The following ARHGAP26 variants were observed in gnomAD, a reference collection of about 807,000 sequenced individuals.
The protein encoded by ARHGAP26 is rho GTPase-activating protein 26.
ARHGAP26 carries 38 observed loss-of-function variants against 104.8 expected under a neutral mutation model. The ratio of observed to expected loss-of-function variants is 0.36; its 90% confidence interval spans 0.28 to 0.48. ARHGAP26 has a LOEUF of 0.48. Among genes scored for constraint, ARHGAP26 ranks in the 20% least tolerant of loss-of-function variants. ARHGAP26 has a pLI of 0.99. For missense variants in ARHGAP26, 704 were observed against 947.9 expected (o/e 0.74, Z 3.38); for synonymous variants, 341 against 340.0 (o/e 1.00, Z -0.03).
chr5:143,018,269 A>G (rs1407137163), intron 12 of ARHGAP26, among the ~76,000 whole-genome samples: 2 of 152,294 alleles, frequency 1.3e-5, no homozygotes, highest in East Asian at 3.9e-4. Flanking sequence ...AGCCAGTTTA[A>G]ATATGTTCTC....
chr5:143,001,611 T>A (rs1562237972), intron 11 of ARHGAP26, among the ~76,000 whole-genome samples: 1 of 152,266 alleles, frequency 6.6e-6, no homozygotes. Flanking sequence ...AATGTGCTGT[T>A]CTGGCTGGCC....
At chr5:142,831,215 C>T (rs118184223) in intron 1 of ARHGAP26, among the ~76,000 whole-genome samples, 2 of 152,264 alleles carry the variant, frequency 1.3e-5, no homozygotes, top group East Asian at 3.9e-4. Flanking sequence ...AGCCAGATCC[C>T]AATACTCTGT....
chr5:142,904,096 G>C (rs974211502), intron 8 of ARHGAP26, among the ~76,000 whole-genome samples: 5 of 152,004 alleles, frequency 3.3e-5, no homozygotes, highest in Admixed American at 3.3e-4. Flanking sequence ...TTTCAGCAAG[G>C]CCCAAACAAT....
chr5:143,021,504 A>G (rs1780327763), intron 12 of ARHGAP26, among the ~76,000 whole-genome samples: 1 of 152,152 alleles, frequency 6.6e-6, no homozygotes, highest in South Asian at 2.1e-4. Context: ...CGTATCTCAG[A>G]TCATTCTCTT....
chr5:142,910,461 G>A (rs577702153), intron 9 of ARHGAP26, among the ~76,000 whole-genome samples: 143 of 152,352 alleles, frequency 9.4e-4, no homozygotes, highest in Middle Eastern at 3.4e-3. Context: ...GACCGAGGCC[G>A]GATGTGGTGG....
In ARHGAP26 at chr5:143,224,088, T is replaced by G; in HGVS notation, c.*1642T>G. ...AAGAAAAGAAAAACTTGAATTGTGTTGAATTACTGTATCTTTTACTTTTTT... is the reference window on the plus strand; with the variant it reads ...AAGAAAAGAAAAACTTGAATTGTGTGGAATTACTGTATCTTTTACTTTTTT... On this transcript the variant is annotated 3_prime_UTR_variant, in exon 23 of 23. Transcript: ENST00000645722. 1 of 226,508 alleles carries G rather than the reference T, an allele frequency of 4.4e-6. No individual in the cohort carries two copies. The highest frequency in any genetic ancestry group is 2.3e-5 in the African/African-American group (1 of 43,916). 14.0% of individuals were successfully genotyped at this position (226,508 alleles called of 1,614,324 possible).
intron 18 of ARHGAP26, among the ~76,000 whole-genome samples, chr5:143,122,653 G>A (rs1325457436): frequency 6.6e-6 from 1 of 152,204 alleles, no homozygotes; most frequent in African/African-American, 2.4e-5. Context: ...AAGGGCTAAA[G>A]AAGAGAACAA....
chr5:143,021,644 T>C (rs1341629446), intron 12 of ARHGAP26, among the ~76,000 whole-genome samples: 1 of 152,214 alleles, frequency 6.6e-6, no homozygotes, highest in African/African-American at 2.4e-5. Flanking sequence ...CCATTTCCTC[T>C]TCTGTAAAAT....
intron 20 of ARHGAP26, among the ~76,000 whole-genome samples, chr5:143,166,861 C>T (rs1380982233): frequency 6.6e-6 from 1 of 152,204 alleles, no homozygotes; most frequent in Non-Finnish European, 1.5e-5. Flanking sequence ...GGCTCCTTGG[C>T]TTTCTGCCAT....
At chr5:143,007,160 A>C (rs1454628628) in intron 11 of ARHGAP26, among the ~76,000 whole-genome samples, 2 of 142,278 alleles carry the variant, frequency 1.4e-5, no homozygotes, top group East Asian at 4.1e-4. Flanking sequence ...GCACCACTGC[A>C]CTCCAGCCTG....
intron 10 of ARHGAP26, chr5:142,915,801 T>G (rs1448884571): frequency 6.6e-6 from 1 of 152,224 alleles, no homozygotes; most frequent in Non-Finnish European, 1.5e-5. Context: ...AGTGCCTTTC[T>G]GTTTTTTTTC....
At chr5:143,137,608 T>A (rs1261795553) in intron 19 of ARHGAP26, among the ~76,000 whole-genome samples, 2 of 152,262 alleles carry the variant, frequency 1.3e-5, no homozygotes, top group African/African-American at 4.8e-5. Context: ...CAGAACCTCA[T>A]TTCTTTTGAT....
At chr5:142,861,447 G>A (rs1753326949) in intron 1 of ARHGAP26, among the ~76,000 whole-genome samples, 1 of 151,816 alleles carries the variant, frequency 6.6e-6, no homozygotes. Flanking sequence ...TGATGCTTAG[G>A]AGTTGCCACC....
chr5:143,163,633 T>C (rs1801544215), intron 20 of ARHGAP26, among the ~76,000 whole-genome samples: 1 of 152,084 alleles, frequency 6.6e-6, no homozygotes, highest in African/African-American at 2.4e-5. Context: ...GTATTTTCAG[T>C]AGAGACGGGG....
At chr5:143,075,012 T>C (rs1788787482) in intron 17 of ARHGAP26, among the ~76,000 whole-genome samples, 1 of 152,230 alleles carries the variant, frequency 6.6e-6, no homozygotes, top group South Asian at 2.1e-4. Flanking sequence ...GGAGGAGGAC[T>C]GTGACTGCCT....
intron 17 of ARHGAP26, among the ~76,000 whole-genome samples, chr5:143,063,165 A>G (rs1326365369): frequency 2.6e-5 from 4 of 152,098 alleles, no homozygotes; most frequent in African/African-American, 4.8e-5. Context: ...CTCCAGTCCT[A>G]TCGGGCTTTT....
At chr5:142,900,958 G>A (rs1367809328) in intron 6 of ARHGAP26, among the ~76,000 whole-genome samples, 1 of 152,130 alleles carries the variant, frequency 6.6e-6, no homozygotes, top group African/African-American at 2.4e-5. Flanking sequence ...TAGAGGTGAG[G>A]CACTGGTCTT....
intron 15 of ARHGAP26, 106 bp from the exon 16 acceptor site, chr5:143,055,922 T>C: frequency 1.4e-6 from 1 of 735,288 alleles, no homozygotes; most frequent in Non-Finnish European, 2.2e-6. Flanking sequence ...CTGTGATCTT[T>C]GTCTTCGAGA....
intron 1 of ARHGAP26, among the ~76,000 whole-genome samples, chr5:142,792,528 T>C (rs1036652376): frequency 2.6e-5 from 4 of 152,218 alleles, no homozygotes; most frequent in South Asian, 2.1e-4. Flanking sequence ...TAGAGACTTA[T>C]TGACCCACAT....
Sources: allele counts gnomAD v4.1 joint callset (sites outside exome capture counted in the v4.1 genomes callset), GRCh38; gene constraint gnomAD v4.1.1; transcripts MANE v1.5; gene names NCBI Gene and HGNC (gene_info 2026-07-23, HGNC 2026-07-21).